The following NEO1 variants were observed in gnomAD, a reference collection of about 807,000 sequenced individuals.
NEO1 encodes neogenin.
A neutral mutation model predicts 159.7 loss-of-function variants in NEO1; 63 were observed. That is an observed-to-expected ratio of 0.39 (90% CI 0.32 to 0.49). The LOEUF is 0.49. Ranked by LOEUF, NEO1 falls within the 20% of genes least tolerant of loss-of-function variation. The pLI is 0.85. For missense variants in NEO1, 1,615 were observed against 1,831.0 expected, an observed-to-expected ratio of 0.88 and a Z score of 2.15; for synonymous variants, 633 against 662.0, an observed-to-expected ratio of 0.96 and a Z score of 0.67.
At chr15:73,226,162 T>A (rs1567536560) in intron 7 of NEO1, among the ~76,000 whole-genome samples, 3 of 152,192 alleles carry the variant, frequency 2.0e-5, no homozygotes, top group Non-Finnish European at 4.4e-5. Flanking sequence ...GTCTCCCAGG[T>A]CCTGCATGAG....
intron 1 of NEO1, among the ~76,000 whole-genome samples, chr15:73,072,654 TTAAA>T (rs1403759252): frequency 6.6e-6 from 1 of 152,196 alleles, no homozygotes; most frequent in Non-Finnish European, 1.5e-5. Context: ...TAAAAGGTTA[TTAAA>T]TAAAGTGACC....
intron 5 of NEO1, among the ~76,000 whole-genome samples, chr15:73,142,776 G>A (rs1290605909): frequency 3.3e-5 from 5 of 152,054 alleles, no homozygotes; most frequent in African/African-American, 7.3e-5. Flanking sequence ...GCTTTGCAGC[G>A]CAACAGCAAG....
At chr15:73,237,433 A>G (rs1051501924) in intron 8 of NEO1, among the ~76,000 whole-genome samples, 3 of 152,246 alleles carry the variant, frequency 2.0e-5, no homozygotes, top group Non-Finnish European at 2.9e-5. Flanking sequence ...CTGTTCACAC[A>G]TTGCCGAGTA....
intron 13 of NEO1, among the ~76,000 whole-genome samples, chr15:73,258,485 G>A (rs2040469080): frequency 6.6e-6 from 1 of 152,156 alleles, no homozygotes; most frequent in Non-Finnish European, 1.5e-5. Flanking sequence ...GATCTCTGAG[G>A]TGCCTTCAAG....
chr15:73,106,884 A>G (rs746446689), intron 1 of NEO1, among the ~76,000 whole-genome samples: 5 of 152,210 alleles, frequency 3.3e-5, no homozygotes, highest in Non-Finnish European at 5.9e-5. Context: ...ACTTCGTCCA[A>G]TAATTCCCAT....
At chr15:73,068,052 A>C (rs538815031) in intron 1 of NEO1, among the ~76,000 whole-genome samples, 1 of 152,320 alleles carries the variant, frequency 6.6e-6, no homozygotes, top group South Asian at 2.1e-4. Flanking sequence ...TAACAGAATG[A>C]TCTACATTCC....
Position 73,091,157 on chromosome 15 carries a change from T to A in NEO1, c.131-25383T>A, listed in dbSNP as rs79361251. 0.018 allele frequency among the ~76,000 whole-genome samples: 2,683 copies of A among 152,306 alleles called. 152 individuals carry two copies. The East Asian group carries it at 0.19, about 11-fold the overall frequency. The stretch of plus-strand genomic sequence containing the variant: ...TGTGTAATAACAGCATACCATAATT[T>A]ACTTAGCCGTTTTCCTGGTTGTATA... On this transcript the variant is annotated intron_variant, in intron 1 of 28. Transcript: ENST00000261908.
At position 73,270,194 on chromosome 15, in the gene NEO1, C is replaced by T; in HGVS notation, c.2679C>T (p.Val893=). 1 of 1,614,174 alleles carries T rather than the reference C, an allele frequency of 6.2e-7. No homozygotes were observed. Among genetic ancestry groups the T allele is most frequent in the Non-Finnish European group, 8.5e-7 (1 of 1,180,036 alleles). Residue 893 remains valine, a synonymous_variant, in exon 17 of 29, where the codon GTC becomes GTT. Transcript: ENST00000261908. ...QKITDSRYYT[V]RWKTNIPANT... Reference sequence around the variant, plus strand: ...TTACAGACTCCCGATACTACACCGTCCGATGGAAAACCAACATCCCAGCAA... The same window carrying T: ...TTACAGACTCCCGATACTACACCGTTCGATGGAAAACCAACATCCCAGCAA...
chr15:73,244,612 G>A (rs563383927), intron 9 of NEO1, 114 bp downstream of exon 9: 6 of 1,203,198 alleles, frequency 5.0e-6, no homozygotes, highest in African/African-American at 3.1e-5. Context: ...CCTTACTTTC[G>A]GGGTCCTTAT....
At chr15:73,250,912 A>AT (rs2040037097) in intron 11 of NEO1, among the ~76,000 whole-genome samples, 1 of 152,166 alleles carries the variant, frequency 6.6e-6, no homozygotes, top group African/African-American at 2.4e-5. Context: ...ATTAGATAAT[A>AT]TTTTTGTGTT....
chr15:73,244,876 A>C (rs935417905), intron 9 of NEO1, among the ~76,000 whole-genome samples: 24 of 137,938 alleles, frequency 1.7e-4, no homozygotes, highest in African/African-American at 6.3e-4. Context: ...AATCACCTGA[A>C]CCCAAGAGGT....
At chr15:73,231,498 C>T (rs550925412) in intron 7 of NEO1, among the ~76,000 whole-genome samples, 4 of 152,180 alleles carry the variant, frequency 2.6e-5, no homozygotes, top group African/African-American at 2.4e-5. Context: ...TTTGAGAGGC[C>T]GAAGTGGGTG....
At position 73,135,995 on chromosome 15, in the gene NEO1, C is replaced by A; in HGVS notation, c.983C>A (p.Thr328Lys). Residue 328 changes from threonine (T) to lysine (K), a missense_variant, in exon 5 of 29, where the codon ACA becomes AAA. Physicochemically the swap from Thr to Lys is moderately conservative, Grantham distance 78 (BLOSUM62 -1). Around this residue, in one of 3 missense-constraint regions of NEO1, gnomAD observed 1,018 missense variants for 1,115.4 expected, o/e 0.91. Transcript: ENST00000261908. ...YFCIADNGNE[T>K]IEAQAELTVQ... ...TGTATAGCTGATAATGGAAATGAGA[C>A]AATTGAAGCTCAAGCAGAGCTTACA... The A allele has an allele frequency of 6.2e-7, 1 of 1,608,572 alleles. No homozygotes were observed. Among genetic ancestry groups the A allele is most frequent in the Non-Finnish European group, 8.5e-7 (1 of 1,178,340 alleles).
intron 4 of NEO1, 59 bp downstream of exon 4, chr15:73,126,629 C>T: frequency 6.6e-7 from 1 of 1,508,004 alleles, no homozygotes; most frequent in East Asian, 2.3e-5. Context: ...TGTCATATCC[C>T]ATTTGGGACT....
chr15:73,082,496 A>G (rs1173576761), intron 1 of NEO1, among the ~76,000 whole-genome samples: 2 of 151,876 alleles, frequency 1.3e-5, no homozygotes, highest in East Asian at 1.9e-4. Context: ...TTCAATGTGG[A>G]TAGTCATTGA....
At chr15:73,105,940 G>T (rs1489600754) in intron 1 of NEO1, among the ~76,000 whole-genome samples, 4 of 152,130 alleles carry the variant, frequency 2.6e-5, no homozygotes, top group Admixed American at 1.3e-4. Flanking sequence ...TTAATGATTT[G>T]TGGATGACAC....
intron 2 of NEO1, among the ~76,000 whole-genome samples, chr15:73,121,898 A>G (rs2071675228): frequency 6.6e-6 from 1 of 151,712 alleles, no homozygotes; most frequent in South Asian, 2.1e-4. Context: ...TACCAGGTTC[A>G]TCTTGTGCTT....
intron 22 of NEO1, among the ~76,000 whole-genome samples, chr15:73,281,211 A>AC (rs1179303133): frequency 6.8e-6 from 1 of 146,956 alleles, no homozygotes; most frequent in Non-Finnish European, 1.5e-5. Context: ...CAAAAAAAAA[A>AC]AAAACACATA....
chr15:73,126,899 T>C (rs1223548098), intron 4 of NEO1, among the ~76,000 whole-genome samples: 1 of 152,190 alleles, frequency 6.6e-6, no homozygotes, highest in Non-Finnish European at 1.5e-5. Flanking sequence ...CATTCTCATA[T>C]GCATTTTTTT....
Sources: gnomAD v4.1 joint callset for allele counts (sites outside exome capture counted in the v4.1 genomes callset) on GRCh38, gnomAD v4.1.1 for gene constraint, gnomAD v4.1.1 regional missense constraint, MANE v1.5 for transcripts, NCBI Gene and HGNC (gene_info 2026-07-23, HGNC 2026-07-21) for gene names.